PLD5: variants seen among roughly 807,000 people sequenced by gnomAD.
The protein encoded by PLD5 is phospholipase D family member 5, also known as inactive phospholipase D5.
In PLD5, 36 loss-of-function variants were observed where a neutral mutation model predicts 61.1. The observed-to-expected ratio is 0.59, with a 90% CI of 0.45 to 0.78. The LOEUF (loss-of-function observed/expected upper bound fraction) is 0.78, where lower values mean the gene tolerates loss of function less well. PLD5 is among the 30% of genes least tolerant of loss of function. The pLI is 0.00. For missense variants in PLD5, 515 were observed against 644.4 expected (o/e 0.80, Z 2.17); for synonymous variants, 243 against 242.8 (o/e 1.00, Z -0.01).
intron 5 of PLD5, among the ~76,000 whole-genome samples, chr1:242,166,769 C>A (rs1197413683): frequency 6.6e-6 from 1 of 152,072 alleles, no homozygotes; most frequent in African/African-American, 2.4e-5. Flanking sequence ...AAGTTACTGA[C>A]CAAATAGATG....
At chr1:242,235,486 C>G (rs1033472957) in intron 4 of PLD5, 1 of 152,080 alleles carries the variant, frequency 6.6e-6, no homozygotes, top group Non-Finnish European at 1.5e-5. Context: ...CTGAGAAACT[C>G]AGAAATTTCA....
chr1:242,421,430 G>A (rs1046157082), intron 1 of PLD5, among the ~76,000 whole-genome samples: 3 of 152,164 alleles, frequency 2.0e-5, no homozygotes, highest in South Asian at 2.1e-4. Context: ...AGAAAGCACT[G>A]GAGCAGAGAA....
chr1:242,255,851 C>T lies in PLD5; in HGVS notation c.607+9486G>A, dbSNP rs540483186. On this transcript the variant is annotated intron_variant, in intron 4 of 9. Coordinates refer to ENST00000536534, the MANE Select transcript of PLD5 (RefSeq NM_001372062.1). Reference sequence around the variant, plus strand: ...ACCAGAACTCAACGATTTAAAAATACAGTGTTATTAACAAGAGTGACAGAG... The same window carrying T: ...ACCAGAACTCAACGATTTAAAAATATAGTGTTATTAACAAGAGTGACAGAG... Among the ~76,000 whole-genome samples the T allele has an allele frequency of 2.5e-4, 38 of 152,254 alleles. No homozygotes were observed. In the East Asian group the frequency reaches 7.1e-3, roughly 29 times the overall value.
intron 6 of PLD5, among the ~76,000 whole-genome samples, chr1:242,117,252 T>C (rs1662017313): frequency 6.6e-6 from 1 of 152,200 alleles, no homozygotes. Flanking sequence ...TCCACGGCTG[T>C]GCCCTCATCA....
chr1:242,182,102 T>C (rs376502906), intron 5 of PLD5, among the ~76,000 whole-genome samples: 22 of 152,176 alleles, frequency 1.4e-4, no homozygotes, highest in African/African-American at 5.1e-4. Context: ...ATGATTCTGA[T>C]CCATATTTTA....
chr1:242,515,224 G>T (rs1469865974), intron 1 of PLD5, among the ~76,000 whole-genome samples: 2 of 151,996 alleles, frequency 1.3e-5, no homozygotes, highest in African/African-American at 4.8e-5. Context: ...GTGTGTGAGA[G>T]AGAGAGAGTG....
intron 5 of PLD5, among the ~76,000 whole-genome samples, chr1:242,150,592 T>C (rs1396210103): frequency 6.6e-6 from 1 of 151,904 alleles, no homozygotes; most frequent in African/African-American, 2.4e-5. Context: ...TAGTCACTTT[T>C]CTGAAGTCTA....
intron 2 of PLD5, among the ~76,000 whole-genome samples, chr1:242,340,892 A>G (rs548750902): frequency 1.3e-3 from 194 of 152,246 alleles, no homozygotes; most frequent in African/African-American, 4.5e-3. Flanking sequence ...CTTTAGTACC[A>G]TACAATTGTT....
At position 242,501,180 on chromosome 1, in the gene PLD5, T is replaced by C. The variant is rs570820622; in HGVS notation, c.189+22908A>G. Among the ~76,000 whole-genome samples, 15 of 152,232 alleles carry C rather than the reference T, an allele frequency of 9.9e-5. 1 individual carries two copies. In the South Asian group the frequency reaches 3.1e-3, roughly 32 times the overall value. On this transcript the variant is annotated intron_variant, in intron 1 of 9. Transcript: ENST00000536534. ...GAACTGAGCTTTCCCATTCATTAAA[T>C]AGGCAGGATTACTAGAGAACTGAAG...
chr1:242,407,424 C>A (rs1664292231), intron 1 of PLD5, among the ~76,000 whole-genome samples: 3 of 152,162 alleles, frequency 2.0e-5, no homozygotes, highest in Admixed American at 2.0e-4. Flanking sequence ...ATAGTCTATA[C>A]AAAAATTCCT....
chr1:242,366,417 T>C (rs1224321461), intron 1 of PLD5, among the ~76,000 whole-genome samples: 5 of 152,208 alleles, frequency 3.3e-5, no homozygotes, highest in African/African-American at 1.2e-4. Flanking sequence ...GTGATCTCAA[T>C]GGCACTAAAG....
chr1:242,447,914 T>A (rs1004658630), intron 1 of PLD5, among the ~76,000 whole-genome samples: 1 of 152,164 alleles, frequency 6.6e-6, no homozygotes, highest in Non-Finnish European at 1.5e-5. Context: ...TTATAATCCT[T>A]AAAGGAATGT....
chr1:242,233,894 G>A (rs1339491633), intron 4 of PLD5, among the ~76,000 whole-genome samples: 1 of 152,158 alleles, frequency 6.6e-6, no homozygotes. Flanking sequence ...TAAATGTACT[G>A]GGGCGGAAAA....
intron 5 of PLD5, among the ~76,000 whole-genome samples, chr1:242,217,498 C>A (rs1670290365): frequency 6.6e-6 from 1 of 151,312 alleles, no homozygotes. Context: ...GTGGTACATG[C>A]CTGTAATCCC....
At chr1:242,170,294 G>T (rs1558301216) in intron 5 of PLD5, among the ~76,000 whole-genome samples, 1 of 152,110 alleles carries the variant, frequency 6.6e-6, no homozygotes, top group Non-Finnish European at 1.5e-5. Flanking sequence ...AGGCAAACAG[G>T]GTCTGGAGTG....
chr1:242,154,525 CCAGTTTATTAA>C (rs1272851814), intron 5 of PLD5, among the ~76,000 whole-genome samples: 3 of 152,072 alleles, frequency 2.0e-5, no homozygotes, highest in African/African-American at 7.2e-5. Flanking sequence ...CCGTCAATAC[CCAGTTTATTAA>C]CAGTTTTTTA....
rs541504722 is a variant in PLD5 at position 242,405,409 on chromosome 1, T to A, written c.190-57167A>T. Among the ~76,000 whole-genome samples, 6 of 152,222 alleles carry A rather than the reference T, an allele frequency of 3.9e-5. No individual in the cohort carries two copies. The East Asian group carries it at 9.7e-4, about 25-fold the overall frequency. Reference sequence around the variant, plus strand: ...TAGAGGCCAGGGATGCTGCTCATCATCCTACAATGCACAGGATAGCACCCA... The same window carrying A: ...TAGAGGCCAGGGATGCTGCTCATCAACCTACAATGCACAGGATAGCACCCA... On this transcript the variant is annotated intron_variant, in intron 1 of 9. Coordinates refer to ENST00000536534, the MANE Select transcript of PLD5 (RefSeq NM_001372062.1).
chr1:242,436,492 A>T (rs7531997), intron 1 of PLD5, among the ~76,000 whole-genome samples: 40,022 of 151,858 alleles, frequency 0.26, 6,634 homozygotes, highest in African/African-American at 0.47. Context: ...TTAAAAAAAA[A>T]TTTATCTTTA....
chr1:242,525,216 T>C (rs1572292686), upstream of PLD5, among the ~76,000 whole-genome samples: 2 of 152,062 alleles, frequency 1.3e-5, no homozygotes, highest in Admixed American at 1.3e-4. Context: ...CATCCGATGG[T>C]GTGGCGATGC....
Sources: gnomAD v4.1 joint callset for allele counts (sites outside exome capture counted in the v4.1 genomes callset) on GRCh38, gnomAD v4.1.1 for gene constraint, MANE v1.5 for transcripts, NCBI Gene and HGNC (gene_info 2026-07-23, HGNC 2026-07-21) for gene names.